ANO3: variants seen among roughly 807,000 people sequenced by gnomAD.
The protein encoded by ANO3 is anoctamin 3.
Under a neutral mutation model 144.8 loss-of-function variants are expected in ANO3, and 99 were observed. That is an observed-to-expected ratio of 0.68 (90% CI 0.58 to 0.81). The LOEUF (loss-of-function observed/expected upper bound fraction) is 0.81, where lower values mean the gene tolerates loss of function less well. Among genes scored for constraint, ANO3 ranks in the 30% least tolerant of loss-of-function variants. The pLI is 0.00. For missense variants in ANO3, 905 were observed against 1,202.2 expected, an observed-to-expected ratio of 0.75 and a Z score of 3.66; for synonymous variants, 414 against 392.6, an observed-to-expected ratio of 1.05 and a Z score of -0.64.
chr11:26,365,750 G>A (rs751946872), intron 1 of ANO3, among the ~76,000 whole-genome samples: 7 of 152,002 alleles, frequency 4.6e-5, no homozygotes, highest in Non-Finnish European at 8.8e-5. Flanking sequence ...GCCTTAACCT[G>A]GCTCCTAAAC....
intron 17 of ANO3, among the ~76,000 whole-genome samples, chr11:26,615,414 A>ATATATATATATTTTTTT (rs1352935016): frequency 3.8e-5 from 5 of 130,698 alleles, no homozygotes; most frequent in African/African-American, 1.2e-4. Context: ...ATATATATAT[A>ATATATATATATTTTTTT]TTTTTTTTTT....
intron 1 of ANO3, among the ~76,000 whole-genome samples, chr11:26,269,213 A>C (rs772534314): frequency 6.6e-6 from 1 of 152,144 alleles, no homozygotes; most frequent in African/African-American, 2.4e-5. Context: ...CATAATCTGC[A>C]TTTCCAGAAC....
chr11:26,612,706 A>G (rs1852134308), intron 17 of ANO3, among the ~76,000 whole-genome samples: 1 of 151,946 alleles, frequency 6.6e-6, no homozygotes, highest in Admixed American at 6.6e-5. Context: ...TTTCTTCAGC[A>G]TTTGTTTTTC....
At chr11:26,225,816 G>C (rs1852246048) in intron 1 of ANO3, among the ~76,000 whole-genome samples, 1 of 152,082 alleles carries the variant, frequency 6.6e-6, no homozygotes, top group South Asian at 2.1e-4. Context: ...CATAGAAAAT[G>C]TTCATTTTAC....
intron 14 of ANO3, among the ~76,000 whole-genome samples, chr11:26,572,626 A>T (rs535320294): frequency 6.6e-6 from 1 of 152,242 alleles, no homozygotes; most frequent in East Asian, 1.9e-4. Flanking sequence ...TAAGTAGAGA[A>T]AATGTAGTGG....
intron 17 of ANO3, among the ~76,000 whole-genome samples, chr11:26,615,356 C>A (rs1183182621): frequency 2.0e-5 from 3 of 149,208 alleles, no homozygotes; most frequent in African/African-American, 7.4e-5. Flanking sequence ...TTCCCTCTCT[C>A]CCCTGGCTTT....
intron 1 of ANO3, among the ~76,000 whole-genome samples, chr11:26,380,929 C>G (rs1856573836): frequency 6.6e-6 from 1 of 152,072 alleles, no homozygotes. Flanking sequence ...TTGTAGTGAG[C>G]CAAGATCGCA....
At chr11:26,570,231 C>T (rs968921035) in intron 14 of ANO3, among the ~76,000 whole-genome samples, 12 of 152,068 alleles carry the variant, frequency 7.9e-5, no homozygotes, top group Admixed American at 2.0e-4. Flanking sequence ...ACACGACTTT[C>T]GCCTTCTTTG....
At chr11:26,193,211 G>A (rs190276735) in intron 1 of ANO3, among the ~76,000 whole-genome samples, 3,155 of 145,556 alleles carry the variant, frequency 0.022, 47 homozygotes, top group Non-Finnish European at 0.034. Context: ...GCGCCATCTC[G>A]GCTCACCGCA....
chr11:26,631,963 T>C (rs1002738241), intron 18 of ANO3, among the ~76,000 whole-genome samples: 5 of 152,002 alleles, frequency 3.3e-5, no homozygotes, highest in Non-Finnish European at 7.4e-5. Flanking sequence ...CCAGATCACT[T>C]GAGGTCAGGA....
At chr11:26,401,321 T>A (rs1857141743) in intron 1 of ANO3, among the ~76,000 whole-genome samples, 1 of 151,984 alleles carries the variant, frequency 6.6e-6, no homozygotes, top group Admixed American at 6.6e-5. Flanking sequence ...TCTGAGAGAA[T>A]CTCCCTTGTC....
At chr11:26,448,299 C>CAA (rs11401959) in intron 3 of ANO3, among the ~76,000 whole-genome samples, 2,981 of 132,304 alleles carry the variant, frequency 0.023, 47 homozygotes, top group South Asian at 0.039. Context: ...AACTCCGTCT[C>CAA]AAAAAAAAAA....
chr11:26,211,050 A>G (rs1299515978), intron 1 of ANO3, among the ~76,000 whole-genome samples: 1 of 152,170 alleles, frequency 6.6e-6, no homozygotes, highest in African/African-American at 2.4e-5. Context: ...TCAATGGAAT[A>G]TACATTCTTC....
chr11:26,222,851 C>T (rs2133793923), intron 1 of ANO3, among the ~76,000 whole-genome samples: 1 of 152,244 alleles, frequency 6.6e-6, no homozygotes, highest in African/African-American at 2.4e-5. Context: ...GGATCCTGGG[C>T]CTGGCCCCTG....
intron 1 of ANO3, among the ~76,000 whole-genome samples, chr11:26,420,403 C>T (rs1277568232): frequency 2.6e-5 from 4 of 151,936 alleles, no homozygotes; most frequent in Non-Finnish European, 5.9e-5. Context: ...TTCATCCTGC[C>T]CCTCTTACCA....
Position 26,505,992 on chromosome 11 carries a change from CAAAAAAAAAAAAAA to C in ANO3, c.433-2100_433-2087del, listed in dbSNP as rs56193607. ...TGGGCTACAGAGCGAGACTCTGTCT[CAAAAAAAAAAAAAA>C]AAAAAAAAAAAGACAGCAAATTGAT... On this transcript the variant is annotated intron_variant, in intron 4 of 26. Coordinates refer to ENST00000256737, the MANE Select transcript of ANO3 (RefSeq NM_031418.4). Among the ~76,000 whole-genome samples the C allele has an allele frequency of 5.1e-5, 4 of 78,408 alleles. No homozygotes were observed. In the South Asian group the frequency reaches 2.2e-3, roughly 43 times the overall value. The allele number at this position is 78,408 out of a possible 152,430, so 51.4% of individuals were successfully genotyped here. A position where few individuals can be genotyped will look rare whatever the true frequency, so the allele number is the denominator to read the frequency against.
At chr11:26,588,788 C>A (rs1565125776) in intron 14 of ANO3, among the ~76,000 whole-genome samples, 1 of 152,060 alleles carries the variant, frequency 6.6e-6, no homozygotes. Flanking sequence ...AATATTGTAC[C>A]TTTTTTTCAG....
chr11:26,627,495 C>A (rs1852625126), intron 18 of ANO3, among the ~76,000 whole-genome samples: 1 of 151,808 alleles, frequency 6.6e-6, no homozygotes, highest in Admixed American at 6.6e-5. Context: ...TTCTTTAAAC[C>A]CTCTGAGCTG....
intron 1 of ANO3, among the ~76,000 whole-genome samples, chr11:26,413,218 C>T (rs930448637): frequency 3.9e-5 from 6 of 152,028 alleles, no homozygotes; most frequent in Non-Finnish European, 5.9e-5. Context: ...GAAGGAAACG[C>T]TGCCTGGTTC....
Sources: gnomAD v4.1 joint callset for allele counts (sites outside exome capture counted in the v4.1 genomes callset) on GRCh38, gnomAD v4.1.1 for gene constraint, MANE v1.5 for transcripts, NCBI Gene and HGNC (gene_info 2026-07-23, HGNC 2026-07-21) for gene names.